The following NELL1 variants were observed in gnomAD, a reference collection of about 807,000 sequenced individuals.
NELL1 encodes the protein neural EGFL like 1.
In NELL1, 76 loss-of-function variants were observed where a neutral mutation model predicts 107.4. That is an observed-to-expected ratio of 0.71 (90% CI 0.59 to 0.86). The LOEUF (loss-of-function observed/expected upper bound fraction) is 0.86. Ranked by LOEUF, NELL1 falls within the 40% of genes least tolerant of loss-of-function variation. The pLI, the probability that NELL1 is intolerant of heterozygous loss-of-function variation, is 0.00. For synonymous variants in NELL1, 353 were observed against 341.2 expected, an observed-to-expected ratio of 1.03 and a Z score of -0.38; for missense variants, 1,024 against 1,005.5, an observed-to-expected ratio of 1.02 and a Z score of -0.25.
chr11:20,758,009 A>G (rs185488503), intron 2 of NELL1, among the ~76,000 whole-genome samples: 24 of 152,272 alleles, frequency 1.6e-4, no homozygotes, highest in East Asian at 7.7e-4. Flanking sequence ...TCCTTGCTCT[A>G]TCTTCACATG....
At chr11:21,217,179 C>T (rs1419547144) in intron 13 of NELL1, among the ~76,000 whole-genome samples, 1 of 152,140 alleles carries the variant, frequency 6.6e-6, no homozygotes, top group Non-Finnish European at 1.5e-5. Context: ...TGTTTGCTTC[C>T]CCTTCTCCAT....
At chr11:21,504,120 G>A (rs985618534) in intron 15 of NELL1, 7 of 152,148 alleles carry the variant, frequency 4.6e-5, no homozygotes, top group Middle Eastern at 3.2e-3. Context: ...AGAGGTCTGC[G>A]AGAGCAGGGA....
chr11:21,516,934 C>T (rs756256688), intron 15 of NELL1, among the ~76,000 whole-genome samples: 13 of 151,870 alleles, frequency 8.6e-5, no homozygotes, highest in Admixed American at 2.6e-4. Flanking sequence ...CCTCCCAGGG[C>T]GCCCACCACC....
intron 14 of NELL1, among the ~76,000 whole-genome samples, chr11:21,302,624 G>A (rs1201980101): frequency 6.6e-6 from 1 of 151,970 alleles, no homozygotes; most frequent in Non-Finnish European, 1.5e-5. Context: ...CTCTTTTGTA[G>A]AATATCAGGG....
At chr11:21,131,063 C>T (rs1855603984) in intron 13 of NELL1, among the ~76,000 whole-genome samples, 2 of 31,854 alleles carry the variant, frequency 6.3e-5, no homozygotes, top group Admixed American at 9.4e-4. Context: ...TGGGGACATG[C>T]ATGCTGATGT....
intron 3 of NELL1, among the ~76,000 whole-genome samples, chr11:20,816,859 G>A (rs1193124456): frequency 6.6e-6 from 1 of 152,080 alleles, no homozygotes; most frequent in Admixed American, 6.5e-5. Context: ...AAGAGATATT[G>A]GAGTTTACCA....
chr11:20,826,850 C>T (rs114726227), intron 3 of NELL1, among the ~76,000 whole-genome samples: 70 of 151,130 alleles, frequency 4.6e-4, no homozygotes, highest in African/African-American at 1.4e-3. Context: ...ACAGACTGGA[C>T]GTCAGTAGAG....
At chr11:21,087,429 T>G (rs1360410829) in intron 12 of NELL1, among the ~76,000 whole-genome samples, 1 of 152,202 alleles carries the variant, frequency 6.6e-6, no homozygotes, top group Non-Finnish European at 1.5e-5. Context: ...TTGCAAATTA[T>G]AGCAGAATGC....
chr11:21,309,280 G>GTA (rs67629561), intron 14 of NELL1, among the ~76,000 whole-genome samples: 1,639 of 108,552 alleles, frequency 0.015, 49 homozygotes, highest in East Asian at 0.11. Context: ...ATATATATAT[G>GTA]TATATATATA....
At chr11:20,792,199 AT>A (rs1052662436) in intron 3 of NELL1, among the ~76,000 whole-genome samples, 10 of 151,812 alleles carry the variant, frequency 6.6e-5, no homozygotes, top group Non-Finnish European at 1.3e-4. Flanking sequence ...CCAAACATTA[AT>A]TTTTTTTAGA....
At chr11:21,303,595 C>T (rs771317420) in intron 14 of NELL1, among the ~76,000 whole-genome samples, 3 of 151,972 alleles carry the variant, frequency 2.0e-5, no homozygotes, top group South Asian at 2.1e-4. Flanking sequence ...TAGAAAACAG[C>T]GTGGAGATTT....
At chr11:21,342,659 GAAA>G (rs1850599232) in intron 14 of NELL1, among the ~76,000 whole-genome samples, 1 of 129,404 alleles carries the variant, frequency 7.7e-6, no homozygotes, top group South Asian at 2.5e-4. Flanking sequence ...AAAAAAAAAA[GAAA>G]AAGAAAAAGA....
intron 2 of NELL1, among the ~76,000 whole-genome samples, chr11:20,713,590 C>A (rs1855166116): frequency 6.6e-6 from 1 of 152,088 alleles, no homozygotes; most frequent in South Asian, 2.1e-4. Flanking sequence ...CAGGCCTTGC[C>A]CCCTCCCTGT....
intron 12 of NELL1, among the ~76,000 whole-genome samples, chr11:21,015,470 T>C (rs1852543901): frequency 6.6e-6 from 1 of 152,130 alleles, no homozygotes; most frequent in South Asian, 2.1e-4. Flanking sequence ...GGTGTTGGCC[T>C]GACAATGTAT....
chr11:21,454,417 GA>G (rs1853669703), intron 15 of NELL1, among the ~76,000 whole-genome samples: 1 of 152,070 alleles, frequency 6.6e-6, no homozygotes, highest in African/African-American at 2.4e-5. Flanking sequence ...ATAGCAGCAT[GA>G]TTTATAGGTT....
chr11:21,509,521 CT>C (rs1397388611), intron 15 of NELL1, among the ~76,000 whole-genome samples: 1 of 152,046 alleles, frequency 6.6e-6, no homozygotes, highest in South Asian at 2.1e-4. Flanking sequence ...ATTAGGCTTA[CT>C]TTTTTTCAAG....
intron 14 of NELL1, among the ~76,000 whole-genome samples, chr11:21,272,718 G>C (rs534894976): frequency 1.3e-5 from 2 of 152,284 alleles, no homozygotes; most frequent in East Asian, 3.9e-4. Flanking sequence ...CCAGAGGAAC[G>C]ATCAGGCAGC....
intron 17 of NELL1, among the ~76,000 whole-genome samples, chr11:21,566,543 A>AT (rs1312035466): frequency 6.6e-5 from 10 of 152,066 alleles, no homozygotes; most frequent in African/African-American, 1.9e-4. Context: ...ATTGCTTATC[A>AT]TTGAACTTGC....
At chr11:20,672,910 G>A (rs1323112446) in intron 1 of NELL1, among the ~76,000 whole-genome samples, 3 of 142,818 alleles carry the variant, frequency 2.1e-5, no homozygotes, top group South Asian at 2.2e-4. Flanking sequence ...GGAGTGCAGC[G>A]ACATGATCTC....
Sources: gnomAD v4.1 joint callset for allele counts (sites outside exome capture counted in the v4.1 genomes callset) on GRCh38, gnomAD v4.1.1 for gene constraint, MANE v1.5 for transcripts, NCBI Gene and HGNC (gene_info 2026-07-23, HGNC 2026-07-21) for gene names.